MAPK15: variants seen among roughly 807,000 people sequenced by gnomAD.
MAPK15 encodes ERK-7.
Under a neutral mutation model 60.8 loss-of-function variants are expected in MAPK15, and 61 were observed. The ratio of observed to expected loss-of-function variants is 1.00; its 90% CI spans 0.82 to 1.24. The LOEUF is 1.24. Ranked by LOEUF, MAPK15 falls within the 50% of genes most tolerant of loss-of-function variation. The pLI is 0.00. For synonymous variants in MAPK15, 356 were observed against 319.9 expected (o/e 1.11, Z -1.21); for missense variants, 808 against 741.1 (o/e 1.09, Z -1.05).
At chr8:143,719,227 C>T (rs782235844) in intron 6 of MAPK15, 71 bp downstream of exon 6, 1 of 1,504,524 alleles carries the variant, frequency 6.6e-7, no homozygotes, top group Non-Finnish European at 8.9e-7. Context: ...GGCTCCCAGG[C>T]CTCCCGTACT....
At chr8:143,721,500 A>C in intron 11 of MAPK15, 49 bp from the exon 12 acceptor site, 1 of 1,612,870 alleles carries the variant, frequency 6.2e-7, no homozygotes, top group Non-Finnish European at 8.5e-7. Flanking sequence ...TCGGTTCCTG[A>C]CCCTGGGGTT....
In MAPK15 at chr8:143,720,186, G is replaced by A. The variant is rs1554619370; in HGVS notation, c.722-44G>A. 2.6e-6 allele frequency: 4 copies of A among 1,545,886 alleles called. No homozygotes were observed. In the Admixed American group the frequency reaches 5.9e-5, roughly 23 times the overall value. ...GCCCCAGATGCCCTGAGCCGCCCCA[G>A]CCGACCAGGCCTGCCTGGGTCACAC... On this transcript the variant is annotated intron_variant, in intron 7 of 13. Coordinates refer to ENST00000338033, the MANE Select transcript of MAPK15 (RefSeq NM_139021.3). This position sits in a 1 kb window ranked among gnomAD's most constrained non-coding sequence, Gnocchi z 4.6.
In MAPK15 at chr8:143,718,840, T is replaced by C; in HGVS notation, c.352T>C (p.Phe118Leu). Residue 118 changes from phenylalanine (F) to leucine (L), a missense_variant, in exon 5 of 14, where the codon TTC (phenylalanine) becomes CTC (leucine). Transcript: ENST00000338033. ...GCAGGACGTCCACGTGCGCTCCATC[T>C]TCTACCAGCTCCTGCGGGCCACCCG... ...LLQDVHVRSIFYQLLRATRFL... is the reference protein window; with the variant it reads ...LLQDVHVRSILYQLLRATRFL... 1 of 1,611,942 alleles carries C rather than the reference T, an allele frequency of 6.2e-7. No individual in the cohort carries two copies. Among genetic ancestry groups the C allele is most frequent in the East Asian group, 2.2e-5 (1 of 44,810 alleles).
intron 1 of MAPK15, among the ~76,000 whole-genome samples, chr8:143,716,855 T>C (rs1243075581): frequency 2.0e-5 from 3 of 151,432 alleles, no homozygotes; most frequent in Non-Finnish European, 4.4e-5. Context: ...GCCTGAGCGG[T>C]TATGGGGTGG....
chr8:143,719,584 G>T lies in MAPK15; in HGVS notation c.721+102G>T. 3 of 1,434,024 alleles carry T rather than the reference G, an allele frequency of 2.1e-6. No homozygotes were observed. The East Asian group carries it at 7.3e-5, about 35-fold the overall frequency. The allele number at this position is 1,434,024 out of a possible 1,614,324, so 88.8% of individuals were successfully genotyped here. ...CAGGCTAGGACTGTGCTGAGAGGAG[G>T]GACGGGGACAGGGAGGATCCAGAGG... is the stretch of plus-strand genomic sequence containing the variant. On this transcript the variant is annotated intron_variant, in intron 7 of 13. Coordinates refer to ENST00000338033, the MANE Select transcript of MAPK15 (RefSeq NM_139021.3).
Position 143,720,198 on chromosome 8 carries a change from T to C in MAPK15, c.722-32T>C. The stretch of plus-strand genomic sequence containing the variant: ...CTGAGCCGCCCCAGCCGACCAGGCC[T>C]GCCTGGGTCACACCACCTTCTGCTG... On this transcript the variant is annotated intron_variant, in intron 7 of 13. Coordinates refer to ENST00000338033, the MANE Select transcript of MAPK15 (RefSeq NM_139021.3). This position sits in a 1 kb window ranked among gnomAD's most constrained non-coding sequence, Gnocchi z 4.6. 1 of 1,552,298 alleles carries C rather than the reference T, an allele frequency of 6.4e-7. No homozygotes were observed. The highest frequency in any genetic ancestry group is 8.7e-7 in the Non-Finnish European group (1 of 1,148,892).
At position 143,722,398 on chromosome 8, in the gene MAPK15, C is replaced by T. The variant is rs1818121411; in HGVS notation, c.*147C>T. On this transcript the variant is annotated 3_prime_UTR_variant, in exon 14 of 14. Transcript: ENST00000338033. Reference sequence around the variant, plus strand: ...GCTTGCCCGGGTCTCCTCGGGGGAGCAGATGAGGGCCCTGCCCCCGCCCCA... The same window carrying T: ...GCTTGCCCGGGTCTCCTCGGGGGAGTAGATGAGGGCCCTGCCCCCGCCCCA... 3.2e-6 allele frequency: 2 copies of T among 633,868 alleles called. No homozygotes were observed. The highest frequency in any genetic ancestry group is 4.6e-5 in the South Asian group (2 of 43,400). 39.3% of individuals were successfully genotyped at this position (633,868 alleles called of 1,614,324 possible). A position where few individuals can be genotyped will look rare whatever the true frequency, so the allele number is the denominator to read the frequency against.
chr8:143,716,668 A>C (rs1554618429), intron 1 of MAPK15, among the ~76,000 whole-genome samples: 1 of 152,120 alleles, frequency 6.6e-6, no homozygotes, highest in Non-Finnish European at 1.5e-5. Context: ...GGCAGGTGAC[A>C]GCCAGGGCCG....
chr8:143,718,405 C>A, intron 4 of MAPK15, 103 bp downstream of exon 4: 2 of 1,053,626 alleles, frequency 1.9e-6, no homozygotes, highest in Non-Finnish European at 2.9e-6. Context: ...CTGCAGCTGG[C>A]CCACAGTGGC....
At position 143,718,916 on chromosome 8, in the gene MAPK15, C is replaced by A. The variant is rs1554619065; in HGVS notation, c.417+11C>A. Reference sequence around the variant, plus strand: ...CACCGGGACCAGAAGGTGCGGTTCCCCCGCCCCCGCTATGCCACGTGGCCC... The same window carrying A: ...CACCGGGACCAGAAGGTGCGGTTCCACCGCCCCCGCTATGCCACGTGGCCC... On this transcript the variant is annotated intron_variant, in intron 5 of 13. Transcript: ENST00000338033. The A allele has an allele frequency of 6.2e-7, 1 of 1,600,010 alleles. No individual in the cohort carries two copies. Among genetic ancestry groups the A allele is most frequent in the African/African-American group, 1.3e-5 (1 of 74,720 alleles).
intron 1 of MAPK15, among the ~76,000 whole-genome samples, chr8:143,717,486 C>T (rs1817855605): frequency 6.6e-6 from 1 of 152,320 alleles, no homozygotes; most frequent in South Asian, 2.1e-4. Flanking sequence ...CCTCCAGGGC[C>T]TCGCCAGCTC....
chr8:143,717,254 G>A (rs551409847), intron 1 of MAPK15, among the ~76,000 whole-genome samples: 4 of 152,278 alleles, frequency 2.6e-5, no homozygotes, highest in Admixed American at 1.3e-4. Context: ...AGGGGTTAGC[G>A]TAGCCACGCA....
At chr8:143,721,151 G>A (rs1235694026) in intron 10 of MAPK15, 46 bp downstream of exon 10, 1 of 1,596,824 alleles carries the variant, frequency 6.3e-7, no homozygotes, top group Non-Finnish European at 8.5e-7. Context: ...ACTGCACCCT[G>A]GAGGCTGCCT....
In MAPK15 at chr8:143,720,343, G is replaced by A; in HGVS notation, c.779+56G>A. ...GGGTGGCCTATCTCAAGGGAGCAGG[G>A]CCACCTTCCTGCAAGTTTACTGGGG... On this transcript the variant is annotated intron_variant, in intron 8 of 13. Transcript: ENST00000338033. This position sits in a 1 kb window ranked among gnomAD's most constrained non-coding sequence, Gnocchi z 4.6. The A allele has an allele frequency of 6.7e-7, 1 of 1,495,744 alleles. No homozygotes were observed. Among genetic ancestry groups the A allele is most frequent in the Non-Finnish European group, 8.9e-7 (1 of 1,119,690 alleles). 92.7% of individuals were successfully genotyped at this position (1,495,744 alleles called of 1,614,324 possible).
intron 2 of MAPK15, 60 bp from the exon 3 acceptor site, chr8:143,717,987 C>T: frequency 6.2e-7 from 1 of 1,611,132 alleles, no homozygotes; most frequent in Non-Finnish European, 8.5e-7. Flanking sequence ...TGGGTCCTCT[C>T]AGGACATGGG....
intron 1 of MAPK15, among the ~76,000 whole-genome samples, chr8:143,716,775 C>A (rs1817827029): frequency 6.6e-6 from 1 of 152,192 alleles, no homozygotes; most frequent in African/African-American, 2.4e-5. Flanking sequence ...GGAGGCTGGG[C>A]CCGCGCCCGG....
In MAPK15 at chr8:143,720,794, A is replaced by G; in HGVS notation, c.871A>G (p.Lys291Glu). Residue 291 changes from lysine (K) to glutamate (E), a missense_variant, in exon 9 of 14, where the codon AAG becomes GAG. Coordinates refer to ENST00000338033, the MANE Select transcript of MAPK15 (RefSeq NM_139021.3). The surrounding 1 kb of genome is among the most constrained non-coding windows in gnomAD (Gnocchi z 4.6). ...LRRLLVFAPD[K>E]RLSATQALQH... Reference sequence around the variant, plus strand: ...GCGACTCCTGGTGTTCGCCCCGGACAAGCGGTTAAGCGCGACCCAGGCACT... The same window carrying G: ...GCGACTCCTGGTGTTCGCCCCGGACGAGCGGTTAAGCGCGACCCAGGCACT... 1.2e-6 allele frequency: 2 copies of G among 1,613,652 alleles called. No individual in the cohort carries two copies. Among genetic ancestry groups the G allele is most frequent in the Non-Finnish European group, 8.5e-7 (1 of 1,179,882 alleles).
rs1308630910 is a variant in MAPK15 at position 143,721,428 on chromosome 8, G to T, written c.1204+17G>T. 6.2e-6 allele frequency: 10 copies of T among 1,608,880 alleles called. No individual in the cohort carries two copies. In the Admixed American group the frequency reaches 1.2e-4, roughly 19 times the overall value. On this transcript the variant is annotated intron_variant, in intron 11 of 13. Coordinates refer to ENST00000338033, the MANE Select transcript of MAPK15 (RefSeq NM_139021.3). ...CCGAGCACGGTGTGTGATCTTTGCT[G>T]GCCGCCCACGCGGAGCACGGCCCGG...
intron 4 of MAPK15, 123 bp downstream of exon 4, chr8:143,718,425 C>T (rs1320984325): frequency 1.1e-6 from 1 of 888,958 alleles, no homozygotes; most frequent in South Asian, 1.4e-5. Flanking sequence ...CTTGCTCCCT[C>T]ACCATGTACC....
Sources: gnomAD v4.1 joint callset for allele counts (sites outside exome capture counted in the v4.1 genomes callset) on GRCh38, gnomAD v4.1.1 for gene constraint, Gnocchi (gnomAD v3.1) non-coding constraint, MANE v1.5 for transcripts, NCBI Gene and HGNC (gene_info 2026-07-23, HGNC 2026-07-21) for gene names.